Variants in RNF169 observed in about 807,000 individuals in gnomAD.
RNF169 encodes ring finger protein 169.
Under a neutral mutation model 53.9 loss-of-function variants are expected in RNF169, and 24 were observed. That is an observed-to-expected ratio of 0.45 (90% CI 0.32 to 0.63). The LOEUF (loss-of-function observed/expected upper bound fraction) is 0.63. Ranked by LOEUF, RNF169 falls within the 20% of genes least tolerant of loss-of-function variation. The probability of loss-of-function intolerance (pLI) is 0.04; values close to 1 mark genes in which losing one functional copy is unlikely to be tolerated. For missense variants in RNF169, 883 were observed against 906.2 expected (o/e 0.97, Z 0.33); for synonymous variants, 396 against 363.5 (o/e 1.09, Z -1.02).
At chr11:74,823,868 A>G (rs951785888) in intron 4 of RNF169, among the ~76,000 whole-genome samples, 11 of 152,142 alleles carry the variant, frequency 7.2e-5, no homozygotes, top group Non-Finnish European at 1.3e-4. Context: ...CAAAAAATAG[A>G]CTTTATAAAA....
In RNF169 at chr11:74,822,638, T is replaced by G. The variant is rs535868897; in HGVS notation, c.842+4924T>G. ...AGGTTTAAATAATTCACTTCAGCTGTGTGAACTTGGAAAGATCACTTCTCT... is the reference window on the plus strand; with the variant it reads ...AGGTTTAAATAATTCACTTCAGCTGGGTGAACTTGGAAAGATCACTTCTCT... On this transcript the variant is annotated intron_variant, in intron 4 of 5. Coordinates refer to ENST00000299563, the MANE Select transcript of RNF169 (RefSeq NM_001098638.2). Among the ~76,000 whole-genome samples, 5 of 152,344 alleles carry G rather than the reference T, an allele frequency of 3.3e-5. No homozygotes were observed. The East Asian group carries it at 9.6e-4, about 29-fold the overall frequency.
intron 2 of RNF169, among the ~76,000 whole-genome samples, chr11:74,790,883 C>T (rs1440405837): frequency 1.3e-5 from 2 of 152,202 alleles, no homozygotes; most frequent in South Asian, 2.1e-4. Flanking sequence ...GTCTGGGCTC[C>T]CTGAAGGGCT....
intron 1 of RNF169, among the ~76,000 whole-genome samples, chr11:74,772,026 A>G (rs1290434705): frequency 6.6e-6 from 1 of 152,242 alleles, no homozygotes; most frequent in African/African-American, 2.4e-5. Flanking sequence ...AACATTTCAG[A>G]TAAGGGATAC....
intron 2 of RNF169, among the ~76,000 whole-genome samples, chr11:74,792,501 AAGTGATTCTCCTGCCT>A: frequency 6.6e-6 from 1 of 152,238 alleles, no homozygotes; most frequent in South Asian, 2.1e-4. Flanking sequence ...TCCTAGGTTC[AAGTGATTCTCCTGCCT>A]CAGCCTCCCA....
intron 4 of RNF169, chr11:74,832,650 A>C (rs2036197498): frequency 6.6e-6 from 1 of 152,192 alleles, no homozygotes; most frequent in African/African-American, 2.4e-5. Context: ...AAGTTAAAAA[A>C]GTCTTTCTCA....
At chr11:74,778,028 C>T (rs151232975) in intron 1 of RNF169, among the ~76,000 whole-genome samples, 1 of 152,294 alleles carries the variant, frequency 6.6e-6, no homozygotes, top group Non-Finnish European at 1.5e-5. Flanking sequence ...CATTGCCTCT[C>T]CTTCCCAGCC....
intron 1 of RNF169, among the ~76,000 whole-genome samples, chr11:74,785,599 A>G (rs1364510388): frequency 2.0e-5 from 3 of 152,088 alleles, no homozygotes; most frequent in Non-Finnish European, 4.4e-5. Flanking sequence ...TTTACTTTCT[A>G]TGTAATTTTT....
chr11:74,810,228 A>G lies in RNF169; in HGVS notation c.621A>G (p.Gln207=). Residue 207 remains glutamine (Q), a synonymous_variant, in exon 3 of 6, where the codon CAA becomes CAG. Transcript: ENST00000299563. ...KLQEEKPSED[Q]IHKLLPEDTE... ...AAGAGGAAAAACCCTCTGAAGATCAAATCCACAAGCTGTTACCAGAGGATA... is the reference window on the plus strand; with the variant it reads ...AAGAGGAAAAACCCTCTGAAGATCAGATCCACAAGCTGTTACCAGAGGATA... 3 of 1,613,590 alleles carry G rather than the reference A, an allele frequency of 1.9e-6. No homozygotes were observed. The highest frequency in any genetic ancestry group is 2.5e-6 in the Non-Finnish European group (3 of 1,179,726).
rs1052039002 is a variant in RNF169 at position 74,772,692 on chromosome 11, G to C, written c.503-16934G>C. Among the ~76,000 whole-genome samples the C allele has an allele frequency of 2.6e-5, 4 of 152,212 alleles. No individual in the cohort carries two copies. The East Asian group carries it at 7.7e-4, about 29-fold the overall frequency. On this transcript the variant is annotated intron_variant, in intron 1 of 5. Transcript: ENST00000299563. Reference sequence around the variant, plus strand: ...GATAATAATGGTAACAGCCTCAAAGGATTGTTGTAAGGTTTAAATAGGATA... The same window carrying C: ...GATAATAATGGTAACAGCCTCAAAGCATTGTTGTAAGGTTTAAATAGGATA...
chr11:74,832,370 T>C (rs2036192759), intron 4 of RNF169: 1 of 151,748 alleles, frequency 6.6e-6, no homozygotes, highest in Non-Finnish European at 1.5e-5. Context: ...TTTGCCAAAA[T>C]GGAGTTTATG....
rs141243165 is a variant in RNF169 at position 74,768,461 on chromosome 11, G to T, written c.502+19079G>T. ...GTCTCTACTGAAAATACAAAAATTA[G>T]TCAGGCGTGATGGCGCATGCCTGTA... On this transcript the variant is annotated intron_variant, in intron 1 of 5. Coordinates refer to ENST00000299563, the MANE Select transcript of RNF169 (RefSeq NM_001098638.2). Among the ~76,000 whole-genome samples the T allele has an allele frequency of 5.0e-3, 759 of 152,210 alleles. 21 individuals are homozygous for T. The highest frequency in any genetic ancestry group is 9.7e-4 in the Non-Finnish European group (66 of 68,000).
At chr11:74,799,743 TA>T (rs1278886031) in intron 2 of RNF169, among the ~76,000 whole-genome samples, 2 of 152,030 alleles carry the variant, frequency 1.3e-5, no homozygotes, top group Non-Finnish European at 1.5e-5. Context: ...AGAATAGCTT[TA>T]TTTTTTTCTG....
intron 4 of RNF169, among the ~76,000 whole-genome samples, chr11:74,824,332 A>G (rs1399714099): frequency 6.6e-6 from 1 of 152,238 alleles, no homozygotes; most frequent in Non-Finnish European, 1.5e-5. Flanking sequence ...TGAGAAACAG[A>G]AAAAAGAATA....
intron 1 of RNF169, among the ~76,000 whole-genome samples, chr11:74,785,200 A>ATATAT (rs1565176510): frequency 1.7e-5 from 2 of 116,948 alleles, no homozygotes; most frequent in South Asian, 2.5e-4. Context: ...TATATATGAT[A>ATATAT]TATATATATG....
intron 1 of RNF169, among the ~76,000 whole-genome samples, chr11:74,754,608 G>A (rs898471776): frequency 3.9e-5 from 6 of 152,124 alleles, no homozygotes; most frequent in African/African-American, 1.4e-4. Flanking sequence ...ATCAGTTGTG[G>A]CCAGGAGTTT....
chr11:74,790,638 G>T (rs116093649), intron 2 of RNF169, among the ~76,000 whole-genome samples: 3,223 of 152,296 alleles, frequency 0.021, 108 homozygotes, highest in African/African-American at 0.074. Flanking sequence ...CAGAGGGGAG[G>T]GGTGTGTGAG....
rs565498572 is a variant in RNF169, at chr11:74,748,998, G to A, written c.118G>A (p.Gly40Ser). 4 of 1,499,430 alleles carry A rather than the reference G, an allele frequency of 2.7e-6. No individual in the cohort carries two copies. Among genetic ancestry groups the A allele is most frequent in the African/African-American group, 2.9e-5 (2 of 69,124 alleles). The allele number at this position is 1,499,430 out of a possible 1,614,324, so 92.9% of individuals were successfully genotyped here. A position where few individuals can be genotyped will look rare whatever the true frequency, so the allele number is the denominator to read the frequency against. ...ETAAAKTGAP[G>S]PASGPSLLVL... ...GGCGGCAGCTAAGACTGGGGCCCCAGGCCCGGCTTCTGGACCTTCGCTGTT... is the reference window on the plus strand; with the variant it reads ...GGCGGCAGCTAAGACTGGGGCCCCAAGCCCGGCTTCTGGACCTTCGCTGTT... The change falls in exon 1 of 6, where the codon GGC becomes AGC. Residue 40 changes from glycine to serine, a missense_variant. By Grantham distance (56) the Gly-to-Ser change is moderately conservative. Around this residue, in one of 3 missense-constraint regions of RNF169, gnomAD observed 313 missense variants for 279.9 expected, o/e 1.12. Coordinates refer to ENST00000299563, the MANE Select transcript of RNF169 (RefSeq NM_001098638.2).
At chr11:74,808,317 T>C (rs1000717089) in intron 2 of RNF169, 1 of 152,170 alleles carries the variant, frequency 6.6e-6, no homozygotes, top group Admixed American at 6.5e-5. Context: ...CACTAAGATA[T>C]ATAAAACAGG....
intron 2 of RNF169, among the ~76,000 whole-genome samples, chr11:74,802,618 G>T (rs2035748690): frequency 6.6e-6 from 1 of 152,164 alleles, no homozygotes; most frequent in Non-Finnish European, 1.5e-5. Flanking sequence ...GCTCCAGCCT[G>T]GGCAACAGAG....
Sources: allele counts gnomAD v4.1 joint callset (sites outside exome capture counted in the v4.1 genomes callset), GRCh38; gene constraint gnomAD v4.1.1; regional missense constraint gnomAD v4.1.1; transcripts MANE v1.5; gene names NCBI Gene and HGNC (gene_info 2026-07-23, HGNC 2026-07-21).